The following FAM171A2 variants were observed in gnomAD, a reference collection of about 807,000 sequenced individuals.
The protein encoded by FAM171A2 is family with sequence similarity 171 member A2.
FAM171A2 carries 13 observed loss-of-function variants against 34.2 expected under a neutral mutation model. The ratio of observed to expected loss-of-function variants is 0.38; its 90% CI spans 0.25 to 0.60. The LOEUF is 0.60. Among genes scored for constraint, FAM171A2 ranks in the 20% least tolerant of loss-of-function variants. The pLI, the probability that FAM171A2 is intolerant of heterozygous loss-of-function variation, is 0.62. For missense variants in FAM171A2, 950 were observed against 1,180.7 expected (o/e 0.80, Z 2.86); for synonymous variants, 475 against 561.2 (o/e 0.85, Z 2.17).
chr17:44,363,472 C>T (rs998458123), intron 1 of FAM171A2, 125 bp downstream of exon 1: 5 of 433,466 alleles, frequency 1.2e-5, no homozygotes, highest in Non-Finnish European at 1.9e-5. Flanking sequence ...CTTAGCTCCC[C>T]CCACCCGAAT....
rs1315076639 is a variant in FAM171A2 at position 44,355,757 on chromosome 17, A to G, written c.980T>C (p.Leu327Pro). Residue 327 changes from leucine to proline, a missense_variant, in exon 7 of 8, where the codon CTG becomes CCG. Physicochemically the swap from Leu to Pro is moderately conservative, Grantham distance 98 (BLOSUM62 -3). This residue lies in a region of FAM171A2 where 752 missense variants were observed against 924.5 expected (regional missense o/e 0.81). Coordinates refer to ENST00000293443, the MANE Select transcript of FAM171A2 (RefSeq NM_198475.3). This position sits in a 1 kb window ranked among gnomAD's most constrained non-coding sequence, Gnocchi z 4.1. ...FLLTILAALA[L>P]LVLILLCLLI... is the part of the protein sequence containing the mutation. ...CAGACACAGCAGGATAAGCACCAGC[A>G]GGGCCAGGGCTGCCAGGATGGTGAG... is the stretch of plus-strand genomic sequence containing the variant. The G allele has an allele frequency of 2.6e-6, 4 of 1,551,892 alleles. No homozygotes were observed. The highest frequency in any genetic ancestry group is 3.5e-6 in the Non-Finnish European group (4 of 1,147,070).
chr17:44,363,044 G>A (rs374193571), intron 1 of FAM171A2, among the ~76,000 whole-genome samples: 1 of 152,220 alleles, frequency 6.6e-6, no homozygotes, highest in Non-Finnish European at 1.5e-5. Flanking sequence ...GCTGGGAGCT[G>A]TCAGGCTCCA....
At chr17:44,360,263 T>A in intron 1 of FAM171A2, 131 bp from the exon 2 acceptor site, 1 of 717,668 alleles carries the variant, frequency 1.4e-6, no homozygotes, top group Non-Finnish European at 2.3e-6. Flanking sequence ...AGGCATGATT[T>A]AAGACCCAGC....
Position 44,360,268 on chromosome 17 carries a change from C to T in FAM171A2, c.119-136G>A, listed in dbSNP as rs1258076884. The T allele has an allele frequency of 8.6e-6, 6 of 700,164 alleles. No individual in the cohort carries two copies. In the East Asian group the frequency reaches 1.6e-4, roughly 19 times the overall value. The allele number at this position is 700,164 out of a possible 1,614,324, so 43.4% of individuals were successfully genotyped here. ...AGGCTAGAGAAGGCATGATTTAAGACCCAGCATTCACAGAGCACTCACTGA... is the reference window on the plus strand; with the variant it reads ...AGGCTAGAGAAGGCATGATTTAAGATCCAGCATTCACAGAGCACTCACTGA... On this transcript the variant is annotated intron_variant, in intron 1 of 7. Coordinates refer to ENST00000293443, the MANE Select transcript of FAM171A2 (RefSeq NM_198475.3).
At chr17:44,358,111 G>C (rs1184227884) in intron 3 of FAM171A2, among the ~76,000 whole-genome samples, 1 of 152,210 alleles carries the variant, frequency 6.6e-6, no homozygotes, top group Non-Finnish European at 1.5e-5. Context: ...GCTCAGGGGA[G>C]GCCCTGTGGA....
intron 3 of FAM171A2, among the ~76,000 whole-genome samples, chr17:44,357,163 C>G (rs998387603): frequency 1.3e-5 from 2 of 151,400 alleles, no homozygotes; most frequent in African/African-American, 4.9e-5. Context: ...GCCTGACCAA[C>G]ATGGAGAAAC....
At chr17:44,359,412 TTGA>T (rs2048438684) in intron 3 of FAM171A2, 164 bp downstream of exon 3, 1 of 618,160 alleles carries the variant, frequency 1.6e-6, no homozygotes, top group Admixed American at 2.9e-5. Flanking sequence ...TTACTCCAAT[TTGA>T]TGATGTAGGC....
Position 44,353,732 on chromosome 17 carries a change from G to A in FAM171A2, c.*1C>T, listed in dbSNP as rs1281661378. 5.0e-6 allele frequency: 7 copies of A among 1,397,832 alleles called. No individual in the cohort carries two copies. Among genetic ancestry groups the A allele is most frequent in the African/African-American group, 1.5e-5 (1 of 66,256 alleles). 86.6% of individuals were successfully genotyped at this position (1,397,832 alleles called of 1,614,324 possible). On this transcript the variant is annotated 3_prime_UTR_variant, in exon 8 of 8. Coordinates refer to ENST00000293443, the MANE Select transcript of FAM171A2 (RefSeq NM_198475.3). ...GGGCGGTGCCAGGCCCTGCGCGGGC[G>A]CTACTTGACGTTGAACACCATCAGC...
At position 44,353,345 on chromosome 17, in the gene FAM171A2, AC is replaced by A; in HGVS notation, c.*387del. On this transcript the variant is annotated 3_prime_UTR_variant, in exon 8 of 8. Transcript: ENST00000293443. The stretch of plus-strand genomic sequence containing the variant: ...AGAGATGGGCTAGTCAGCAAGCAGC[AC>A]CCCCTCCCCTCCCAGGGGTCCACAA... The A allele has an allele frequency of 6.0e-6, 1 of 167,908 alleles. No individual in the cohort carries two copies. The highest frequency in any genetic ancestry group is 1.3e-5 in the Non-Finnish European group (1 of 78,608). The allele number at this position is 167,908 out of a possible 1,614,324, so 10.4% of individuals were successfully genotyped here. A position where few individuals can be genotyped will look rare whatever the true frequency, so the allele number is the denominator to read the frequency against.
rs532891634 is a variant in FAM171A2 at position 44,353,801 on chromosome 17, C to T, written c.2413G>A (p.Ala805Thr). ...TGCCACGGGCTCTTCTTGTCTCCCG[C>T]CTCGTCGCCCACCTCCGCCCCCAGC... ...DELGAEVGDE[A>T]GDKKSPWQRR... is the part of the protein sequence containing the mutation. Residue 805 changes from alanine (A) to threonine (T), a missense_variant, in exon 8 of 8, where the codon GCG becomes ACG. By Grantham distance (58) the Ala-to-Thr change is moderately conservative. Around this residue, in one of 3 missense-constraint regions of FAM171A2, gnomAD observed 191 missense variants for 222.8 expected, o/e 0.86. Transcript: ENST00000293443. The T allele has an allele frequency of 7.0e-7, 1 of 1,435,052 alleles. No individual in the cohort carries two copies. Among genetic ancestry groups the T allele is most frequent in the Non-Finnish European group, 9.1e-7 (1 of 1,095,652 alleles). 88.9% of individuals were successfully genotyped at this position (1,435,052 alleles called of 1,614,324 possible).
At position 44,354,049 on chromosome 17, in the gene FAM171A2, G is replaced by T; in HGVS notation, c.2165C>A (p.Pro722Gln). ...CGTGTCCTCGCTGAGCGCCAGGCGC[G>T]GGGGCGCGGGCGGCGGCGGCGGCGC... Reference protein sequence around the residue: ...PAAPPPPPAPPRLALSEDTEP... With the variant: ...PAAPPPPPAPQRLALSEDTEP... The change falls in exon 8 of 8, where the codon CCG (proline) becomes CAG (glutamine). Residue 722 changes from proline to glutamine, a missense_variant. This residue lies in a region of FAM171A2 where 191 missense variants were observed against 222.8 expected (regional missense o/e 0.86). Coordinates refer to ENST00000293443, the MANE Select transcript of FAM171A2 (RefSeq NM_198475.3). The surrounding 1 kb of genome is among the most constrained non-coding windows in gnomAD (Gnocchi z 5.8). The T allele has an allele frequency of 1.7e-6, 2 of 1,149,422 alleles. No homozygotes were observed. Among genetic ancestry groups the T allele is most frequent in the South Asian group, 4.2e-5 (1 of 23,696 alleles). The allele number at this position is 1,149,422 out of a possible 1,614,324, so 71.2% of individuals were successfully genotyped here.
In FAM171A2 at chr17:44,354,669, C is replaced by T. The variant is rs1167136662; in HGVS notation, c.1545G>A (p.Gln515=). 1.5e-6 allele frequency: 2 copies of T among 1,326,718 alleles called. No individual in the cohort carries two copies. The highest frequency in any genetic ancestry group is 3.1e-5 in the East Asian group (1 of 32,136). The allele number at this position is 1,326,718 out of a possible 1,614,324, so 82.2% of individuals were successfully genotyped here. Residue 515 remains glutamine (Q), a synonymous_variant, in exon 8 of 8, where the codon CAG becomes CAA. Coordinates refer to ENST00000293443, the MANE Select transcript of FAM171A2 (RefSeq NM_198475.3). This position sits in a 1 kb window ranked among gnomAD's most constrained non-coding sequence, Gnocchi z 5.8. ...AGCCGCAGAAGATGAGCTGCCCCGC[C>T]TGGCCCAGCGACGGCGGCCGCGCCA... The part of the protein sequence containing the change: ...DQLARPPSLG[Q]AGQLIFCGSI...
chr17:44,354,248 C>T lies in FAM171A2; in HGVS notation c.1966G>A (p.Val656Met). The change falls in exon 8 of 8, where the codon GTG (valine) becomes ATG (methionine). Residue 656 changes from valine to methionine, a missense_variant. Transcript: ENST00000293443. The surrounding 1 kb of genome is among the most constrained non-coding windows in gnomAD (Gnocchi z 5.8). ...GAGTTGGAGCGCCCGTCGAGGGACA[C>T]GAACCAGGCGCGCGGGTGCGGCTTC... ...GVKPHPRAWFVSLDGRSNSQV... is the reference protein window; with the variant it reads ...GVKPHPRAWFMSLDGRSNSQV... The T allele has an allele frequency of 6.9e-7, 1 of 1,453,506 alleles. No individual in the cohort carries two copies. The highest frequency in any genetic ancestry group is 9.1e-7 in the Non-Finnish European group (1 of 1,094,950). The allele number at this position is 1,453,506 out of a possible 1,614,324, so 90.0% of individuals were successfully genotyped here. A position where few individuals can be genotyped will look rare whatever the true frequency, so the allele number is the denominator to read the frequency against.
chr17:44,362,468 A>AC (rs891374171), intron 1 of FAM171A2, among the ~76,000 whole-genome samples: 1 of 151,098 alleles, frequency 6.6e-6, no homozygotes. Flanking sequence ...CCTCATCCAG[A>AC]CCCCCCCACT....
rs2048419509 is a variant in FAM171A2, at chr17:44,355,704, C to T, written c.1022+11G>A. On this transcript the variant is annotated intron_variant, in intron 7 of 7. Transcript: ENST00000293443. This position sits in a 1 kb window ranked among gnomAD's most constrained non-coding sequence, Gnocchi z 4.1. ...AAGTGCAGGGGAGGGTGAGGGAAGC[C>T]CCGTGCTCACCGGCAGTAGTAGATG... The T allele has an allele frequency of 1.3e-6, 2 of 1,551,298 alleles. No homozygotes were observed. Among genetic ancestry groups the T allele is most frequent in the African/African-American group, 1.4e-5 (1 of 73,018 alleles).
In FAM171A2 at chr17:44,355,719, A is replaced by G. The variant is rs1292042079; in HGVS notation, c.1018T>C (p.Cys340Arg). 1 of 1,551,670 alleles carries G rather than the reference A, an allele frequency of 6.4e-7. No individual in the cohort carries two copies. ...TGAGGGAAGCCCCGTGCTCACCGGC[A>G]GTAGTAGATGAGCAGACACAGCAGG... ...LILLCLLIYY[C>R]RRRCLKPRQQ... is the part of the protein sequence containing the mutation. Residue 340 changes from cysteine (C) to arginine (R), a missense_variant, in exon 7 of 8, where the codon TGC becomes CGC. Physicochemically the swap from Cys to Arg is radical, Grantham distance 180 (BLOSUM62 -3). Around this residue, in one of 3 missense-constraint regions of FAM171A2, gnomAD observed 752 missense variants for 924.5 expected, o/e 0.81. Transcript: ENST00000293443. The surrounding 1 kb of genome is among the most constrained non-coding windows in gnomAD (Gnocchi z 4.1).
At position 44,356,172 on chromosome 17, in the gene FAM171A2, C is replaced by A; in HGVS notation, c.778+1G>T. 1 of 1,543,612 alleles carries A rather than the reference C, an allele frequency of 6.5e-7. No homozygotes were observed. On this transcript the variant is annotated splice_donor_variant, in intron 5 of 7. Coordinates refer to ENST00000293443, the MANE Select transcript of FAM171A2 (RefSeq NM_198475.3). LOFTEE classifies it high-confidence loss of function. ...CACCTGCAGCCCCCTGAGGCACTTA[C>A]CACTCTTGGGGTCAAATCTCCAGGC...
At position 44,355,255 on chromosome 17, in the gene FAM171A2, C is replaced by G. The variant is rs2048417260; in HGVS notation, c.1023-64G>C. ...GTGAGGGCCAAAGTAGGCCCCGAAC[C>G]CCCTTAGATGCAAGACAAGAGACGA... On this transcript the variant is annotated intron_variant, in intron 7 of 7. Coordinates refer to ENST00000293443, the MANE Select transcript of FAM171A2 (RefSeq NM_198475.3). This position sits in a 1 kb window ranked among gnomAD's most constrained non-coding sequence, Gnocchi z 4.1. The G allele has an allele frequency of 7.2e-6, 11 of 1,527,934 alleles. No individual in the cohort carries two copies. Among genetic ancestry groups the G allele is most frequent in the Admixed American group, 4.3e-5 (2 of 46,150 alleles). The allele number at this position is 1,527,934 out of a possible 1,614,324, so 94.6% of individuals were successfully genotyped here.
In FAM171A2 at chr17:44,359,574, C is replaced by T; in HGVS notation, c.439+5G>A. On this transcript the variant is annotated splice_donor_5th_base_variant and intron_variant, in intron 3 of 7. Coordinates refer to ENST00000293443, the MANE Select transcript of FAM171A2 (RefSeq NM_198475.3). ...AGAGTTGGCGTGGGTGAGGGGGAGC[C>T]TTACCGGGAGAGCCTAGGAGAATGT... 6.4e-7 allele frequency: 1 copy of T among 1,551,100 alleles called. No individual in the cohort carries two copies. The highest frequency in any genetic ancestry group is 1.2e-5 in the South Asian group (1 of 84,050).
Sources: gnomAD v4.1 joint callset for allele counts (sites outside exome capture counted in the v4.1 genomes callset) on GRCh38, gnomAD v4.1.1 for gene constraint, gnomAD v4.1.1 regional missense constraint, Gnocchi (gnomAD v3.1) non-coding constraint, MANE v1.5 for transcripts, NCBI Gene and HGNC (gene_info 2026-07-23, HGNC 2026-07-21) for gene names.